Variants in WDPCP observed in about 807,000 individuals in gnomAD.
WDPCP encodes the protein WD repeat containing planar cell polarity effector, also known as WD repeat-containing and planar cell polarity effector protein fritz homolog.
WDPCP carries 71 observed loss-of-function variants against 93.1 expected under a neutral mutation model. The ratio of observed to expected loss-of-function variants is 0.76; its 90% CI spans 0.63 to 0.93. The LOEUF is 0.93. WDPCP is among the 40% of genes least tolerant of loss of function. WDPCP has a pLI of 0.00. For synonymous variants in WDPCP, 315 were observed against 315.0 expected (o/e 1.00, Z 0.00); for missense variants, 844 against 887.4 (o/e 0.95, Z 0.62).
intron 12 of WDPCP, among the ~76,000 whole-genome samples, chr2:63,334,212 A>G (rs1688188481): frequency 6.6e-6 from 1 of 152,192 alleles, no homozygotes; most frequent in Non-Finnish European, 1.5e-5. Flanking sequence ...TATAGCTTTC[A>G]GTGTTTATTT....
intron 14 of WDPCP, among the ~76,000 whole-genome samples, chr2:63,214,786 A>C (rs1677170823): frequency 6.6e-6 from 1 of 152,230 alleles, no homozygotes; most frequent in Non-Finnish European, 1.5e-5. Flanking sequence ...CTCAGGATAC[A>C]AAATCAATGT....
intron 3 of WDPCP, among the ~76,000 whole-genome samples, chr2:63,646,675 T>G (rs1032100018): frequency 6.6e-6 from 1 of 152,190 alleles, no homozygotes; most frequent in African/African-American, 2.4e-5. Context: ...TCACCAGATA[T>G]ACTATTCTAA....
At chr2:63,347,874 G>C (rs1193850015) in intron 12 of WDPCP, among the ~76,000 whole-genome samples, 1 of 151,998 alleles carries the variant, frequency 6.6e-6, no homozygotes, top group Non-Finnish European at 1.5e-5. Flanking sequence ...TTTGGACCTT[G>C]CAAGTTTTAA....
chr2:63,286,532 A>G (rs1006783692), intron 13 of WDPCP, among the ~76,000 whole-genome samples: 6 of 152,164 alleles, frequency 3.9e-5, no homozygotes, highest in African/African-American at 7.2e-5. Context: ...CAAAACCTGT[A>G]AGAACTAATG....
intron 1 of WDPCP, among the ~76,000 whole-genome samples, chr2:63,552,697 G>C (rs576209292): frequency 2.6e-5 from 4 of 152,196 alleles, no homozygotes; most frequent in African/African-American, 9.6e-5. Flanking sequence ...GGAAATGTGT[G>C]ACTAAATGCC....
intron 13 of WDPCP, among the ~76,000 whole-genome samples, chr2:63,297,972 A>G (rs1466557065): frequency 1.3e-5 from 2 of 152,152 alleles, no homozygotes; most frequent in Admixed American, 1.3e-4. Context: ...TTGCAGCTCT[A>G]TCTATATCTA....
At chr2:63,342,828 A>C (rs1049533525) in intron 12 of WDPCP, among the ~76,000 whole-genome samples, 3 of 151,840 alleles carry the variant, frequency 2.0e-5, no homozygotes, top group Non-Finnish European at 2.9e-5. Context: ...CACGTTCTTT[A>C]TTTCTTTCTA....
intron 3 of WDPCP, among the ~76,000 whole-genome samples, chr2:63,612,360 G>A (rs545716956): frequency 2.1e-4 from 32 of 152,304 alleles, no homozygotes; most frequent in African/African-American, 7.2e-4. Context: ...GTAGGGGATC[G>A]AAATACGCCA....
chr2:63,834,676 C>G, the WDPCP span, among the ~76,000 whole-genome samples: 2 of 152,164 alleles, frequency 1.3e-5, 1 homozygote, highest in Non-Finnish European at 2.9e-5. Context: ...AAAAAAACAT[C>G]TAATAATTCC....
intron 1 of WDPCP, among the ~76,000 whole-genome samples, chr2:63,507,078 A>G (rs1201979721): frequency 1.3e-5 from 2 of 152,098 alleles, no homozygotes; most frequent in African/African-American, 4.8e-5. Context: ...GGAAGGAAAT[A>G]AATTATGAAG....
At chr2:63,838,570 T>TC in the WDPCP span, among the ~76,000 whole-genome samples, 1 of 151,744 alleles carries the variant, frequency 6.6e-6, no homozygotes, top group Non-Finnish European at 1.5e-5. Flanking sequence ...ATTCTTTGGA[T>TC]CCCCCCACCC....
intron 9 of WDPCP, among the ~76,000 whole-genome samples, chr2:63,419,495 G>A (rs538161202): frequency 6.6e-6 from 1 of 152,154 alleles, no homozygotes; most frequent in Non-Finnish European, 1.5e-5. Context: ...GTCATACATT[G>A]TCTTATTTAA....
chr2:63,649,359 T>C (rs1710085004), intron 3 of WDPCP, among the ~76,000 whole-genome samples: 1 of 152,274 alleles, frequency 6.6e-6, no homozygotes, highest in Non-Finnish European at 1.5e-5. Context: ...GGTTCACTTA[T>C]GTGGTAACAT....
chr2:63,306,081 A>G (rs1685717227), intron 13 of WDPCP, among the ~76,000 whole-genome samples: 1 of 152,250 alleles, frequency 6.6e-6, no homozygotes, highest in Non-Finnish European at 1.5e-5. Context: ...TCACAGAAAT[A>G]CAAACTACCA....
intron 14 of WDPCP, among the ~76,000 whole-genome samples, chr2:63,180,838 C>T (rs1235471724): frequency 2.0e-5 from 3 of 152,076 alleles, no homozygotes; most frequent in Non-Finnish European, 4.4e-5. Flanking sequence ...TCCTTACCAA[C>T]ATGTTATTTT....
chr2:63,540,967 G>A (rs187336131), intron 1 of WDPCP, among the ~76,000 whole-genome samples: 23 of 150,822 alleles, frequency 1.5e-4, no homozygotes, highest in African/African-American at 4.4e-4. Flanking sequence ...TGTTGCCCAG[G>A]CTGGTGGTTT....
chr2:63,456,702 A>G (rs1197485873), intron 6 of WDPCP, among the ~76,000 whole-genome samples: 1 of 152,166 alleles, frequency 6.6e-6, no homozygotes, highest in Non-Finnish European at 1.5e-5. Flanking sequence ...AAAAAATTAC[A>G]AAGGATCAAT....
the WDPCP span, among the ~76,000 whole-genome samples, chr2:63,839,906 C>T: frequency 1.5e-4 from 23 of 152,168 alleles, no homozygotes; most frequent in African/African-American, 5.1e-4. Context: ...CAATGGTTGT[C>T]ATTCTCTAGT....
chr2:63,246,891 G>C (rs982431174), intron 14 of WDPCP, among the ~76,000 whole-genome samples: 2 of 152,150 alleles, frequency 1.3e-5, no homozygotes, highest in Non-Finnish European at 2.9e-5. Flanking sequence ...TAGCCAAAAT[G>C]GTTCTGAATC....
Sources: gnomAD v4.1 joint callset for allele counts (sites outside exome capture counted in the v4.1 genomes callset) on GRCh38, gnomAD v4.1.1 for gene constraint, MANE v1.5 for transcripts, NCBI Gene and HGNC (gene_info 2026-07-23, HGNC 2026-07-21) for gene names.